The following NFXL1 variants were observed in gnomAD, a reference collection of about 807,000 sequenced individuals.
NFXL1 encodes NF-X1-type zinc finger protein NFXL1.
In NFXL1, 66 loss-of-function variants were observed where a neutral mutation model predicts 123.3. The ratio of observed to expected loss-of-function variants is 0.54; its 90% CI spans 0.44 to 0.66. The LOEUF is 0.66. Ranked by LOEUF, NFXL1 falls within the 30% of genes least tolerant of loss-of-function variation. NFXL1 has a pLI of 0.00. For missense variants in NFXL1, 944 were observed against 1,125.6 expected, an observed-to-expected ratio of 0.84 and a Z score of 2.31; for synonymous variants, 346 against 360.8, an observed-to-expected ratio of 0.96 and a Z score of 0.46.
intron 18 of NFXL1, among the ~76,000 whole-genome samples, chr4:47,863,644 T>C (rs1734889921): frequency 6.6e-6 from 1 of 152,144 alleles, no homozygotes; most frequent in Non-Finnish European, 1.5e-5. Flanking sequence ...ATCATGACAC[T>C]GCACTCCAGT....
intron 10 of NFXL1, 113 bp downstream of exon 10, chr4:47,896,410 T>A: frequency 1.3e-6 from 1 of 769,032 alleles, no homozygotes; most frequent in East Asian, 2.6e-5. Context: ...TTCATATACA[T>A]CATGACACAG....
chr4:47,895,610 T>C (rs1373951094), intron 10 of NFXL1, among the ~76,000 whole-genome samples: 1 of 152,204 alleles, frequency 6.6e-6, no homozygotes, highest in African/African-American at 2.4e-5. Flanking sequence ...CTCTCAGCCT[T>C]CACAGAATTG....
At chr4:47,874,193 T>C (rs1735605394) in intron 18 of NFXL1, among the ~76,000 whole-genome samples, 1 of 152,266 alleles carries the variant, frequency 6.6e-6, no homozygotes, top group African/African-American at 2.4e-5. Flanking sequence ...TTCGCTGGAA[T>C]GAACTTTAAT....
At chr4:47,889,030 T>A (rs1209712538) in intron 12 of NFXL1, among the ~76,000 whole-genome samples, 1 of 152,222 alleles carries the variant, frequency 6.6e-6, no homozygotes, top group Non-Finnish European at 1.5e-5. Context: ...CTTCCAACAC[T>A]TCTCCAGTAA....
intron 18 of NFXL1, among the ~76,000 whole-genome samples, chr4:47,868,452 C>CGAACA (rs1168423298): frequency 1.6e-5 from 1 of 62,862 alleles, no homozygotes; most frequent in Non-Finnish European, 3.7e-5. Flanking sequence ...GAAAAAAAGG[C>CGAACA]AAACAAACTC....
chr4:47,894,347 AT>A (rs1578031135), intron 10 of NFXL1, 45 bp from the exon 11 acceptor site: 7 of 1,458,872 alleles, frequency 4.8e-6, no homozygotes, highest in Non-Finnish European at 4.6e-6. Flanking sequence ...TTTTGTTAAT[AT>A]TTTTTCCTCA....
intron 12 of NFXL1, among the ~76,000 whole-genome samples, 193 bp downstream of exon 12, chr4:47,890,420 T>C (rs1431179798): frequency 6.6e-6 from 1 of 152,204 alleles, no homozygotes; most frequent in African/African-American, 2.4e-5. Flanking sequence ...CTGAACCCTC[T>C]TAAGCTTCAA....
At position 47,848,318 on chromosome 4, in the gene NFXL1, C is replaced by G; in HGVS notation, c.2581G>C (p.Glu861Gln). 6.2e-7 allele frequency: 1 copy of G among 1,610,134 alleles called. No individual in the cohort carries two copies. The highest frequency in any genetic ancestry group is 8.5e-7 in the Non-Finnish European group (1 of 1,177,906). The change falls in exon 23 of 23, where the codon GAA becomes CAA. Residue 861 changes from glutamate to glutamine, a missense_variant. Glu to Gln is a conservative substitution (Grantham distance 29). Around this residue, in one of 4 missense-constraint regions of NFXL1, gnomAD observed 301 missense variants for 348.0 expected, o/e 0.86. Coordinates refer to ENST00000507489, the MANE Select transcript of NFXL1 (RefSeq NM_001278624.2). The part of the protein sequence containing the change: ...RRQQAELEAF[E>Q]NRLKGRRKKN... ...TTCCGACGACCCTTCAGTCTGTTTT[C>G]AAAAGCTTCTAGTTCAGCCTAAATA...
intron 19 of NFXL1, among the ~76,000 whole-genome samples, 188 bp from the exon 20 acceptor site, chr4:47,855,351 T>C (rs1734349719): frequency 6.7e-6 from 1 of 149,086 alleles, no homozygotes; most frequent in Admixed American, 6.7e-5. Flanking sequence ...ATAATTTAAT[T>C]ATATATATAT....
Position 47,910,634 on chromosome 4 carries a change from G to A in NFXL1, c.406+190C>T, listed in dbSNP as rs927761368. On this transcript the variant is annotated intron_variant, in intron 3 of 22. Coordinates refer to ENST00000507489, the MANE Select transcript of NFXL1 (RefSeq NM_001278624.2). The stretch of plus-strand genomic sequence containing the variant: ...TAAAAGAGCCACTGCCATTCTATTT[G>A]CTTTATAGAAAAATTAGTGTTACAC... 1.1e-4 allele frequency among the ~76,000 whole-genome samples: 17 copies of A among 152,102 alleles called. No homozygotes were observed. The highest frequency in any genetic ancestry group is 1.5e-5 in the Non-Finnish European group (1 of 68,018).
chr4:47,868,379 A>C (rs1261156895), intron 18 of NFXL1, among the ~76,000 whole-genome samples: 2 of 151,800 alleles, frequency 1.3e-5, no homozygotes, highest in Non-Finnish European at 2.9e-5. Context: ...AGAATAATAT[A>C]TAAATGTCAT....
In NFXL1 at chr4:47,883,128, G is replaced by C. The variant is rs183802129; in HGVS notation, c.1916+1218C>G. Among the ~76,000 whole-genome samples, 705 of 152,058 alleles carry C rather than the reference G, an allele frequency of 4.6e-3. 5 individuals are homozygous for C. Among genetic ancestry groups the C allele is most frequent in the African/African-American group, 0.016 (677 of 41,494 alleles). ...TTTTTTGAGTGTTTTTATCAAGAAA[G>C]TGTGTCAGATTCTGTCAAATGCTGT... On this transcript the variant is annotated intron_variant, in intron 15 of 22. Coordinates refer to ENST00000507489, the MANE Select transcript of NFXL1 (RefSeq NM_001278624.2).
chr4:47,911,143 A>G, intron 2 of NFXL1, 149 bp from the exon 3 acceptor site: 1 of 473,278 alleles, frequency 2.1e-6, no homozygotes, highest in South Asian at 4.6e-5. Context: ...GTATTTTCAA[A>G]TTCCTTGACA....
At chr4:47,894,429 T>C (rs1244590683) in intron 10 of NFXL1, 127 bp from the exon 11 acceptor site, 2 of 539,862 alleles carry the variant, frequency 3.7e-6, no homozygotes, top group Non-Finnish European at 5.9e-6. Flanking sequence ...TAACAAACTT[T>C]ACCAAAAACC....
At chr4:47,852,961 G>A (rs1395536422) in intron 20 of NFXL1, among the ~76,000 whole-genome samples, 2 of 150,956 alleles carry the variant, frequency 1.3e-5, no homozygotes, top group Non-Finnish European at 3.0e-5. Context: ...TTATTACTTG[G>A]AGGGTTTTTT....
At chr4:47,911,621 A>C (rs1476717793) in intron 2 of NFXL1, among the ~76,000 whole-genome samples, 1 of 152,246 alleles carries the variant, frequency 6.6e-6, no homozygotes, top group Non-Finnish European at 1.5e-5. Flanking sequence ...ACATTAATCC[A>C]CACAAAGTAT....
chr4:47,897,894 G>A, intron 9 of NFXL1, 73 bp downstream of exon 9: 3 of 897,570 alleles, frequency 3.3e-6, no homozygotes, highest in Non-Finnish European at 5.0e-6. Context: ...TTTCCTGGAG[G>A]ACGTCTTTTG....
At chr4:47,877,277 A>AT (rs1735813137) in intron 17 of NFXL1, 1 of 419,178 alleles carries the variant, frequency 2.4e-6, no homozygotes, top group Non-Finnish European at 4.8e-6. Flanking sequence ...CACTTACTAA[A>AT]TTATCTTCCT....
intron 8 of NFXL1, 77 bp from the exon 9 acceptor site, chr4:47,898,158 T>A: frequency 1.2e-6 from 1 of 820,062 alleles, no homozygotes; most frequent in Non-Finnish European, 1.9e-6. Flanking sequence ...ACACAATCCA[T>A]TTTTCAATCA....
Sources: gnomAD v4.1 joint callset for allele counts (sites outside exome capture counted in the v4.1 genomes callset) on GRCh38, gnomAD v4.1.1 for gene constraint, gnomAD v4.1.1 regional missense constraint, MANE v1.5 for transcripts, NCBI Gene and HGNC (gene_info 2026-07-23, HGNC 2026-07-21) for gene names.